Variants in SLC1A7 observed in about 807,000 individuals in gnomAD.
The protein encoded by SLC1A7 is excitatory amino acid transporter 5.
SLC1A7 carries 40 observed loss-of-function variants against 47.7 expected under a neutral mutation model. That is an observed-to-expected ratio of 0.84 (90% confidence interval 0.65 to 1.09). The LOEUF is 1.09. Among genes scored for constraint, SLC1A7 ranks in the 50% least tolerant of loss-of-function variants. The pLI is 0.00. For missense variants in SLC1A7, 746 were observed against 769.5 expected (o/e 0.97, Z 0.36); for synonymous variants, 323 against 325.6 (o/e 0.99, Z 0.09).
At chr1:53,094,400 C>T (rs1046870340) in intron 5 of SLC1A7, among the ~76,000 whole-genome samples, 19 of 152,160 alleles carry the variant, frequency 1.2e-4, no homozygotes, top group African/African-American at 4.6e-4. Context: ...TGAGTGGCTG[C>T]CCTACCTCCT....
At chr1:53,128,028 G>A (rs530001467) in intron 2 of SLC1A7, among the ~76,000 whole-genome samples, 9 of 152,336 alleles carry the variant, frequency 5.9e-5, no homozygotes, top group Admixed American at 2.6e-4. Flanking sequence ...TTTGTTACAC[G>A]GCAATGATAA....
intron 1 of SLC1A7, among the ~76,000 whole-genome samples, chr1:53,140,734 A>G (rs1645049361): frequency 6.6e-6 from 1 of 152,052 alleles, no homozygotes; most frequent in Non-Finnish European, 1.5e-5. Flanking sequence ...TCTAGTAGAC[A>G]TATACTGCCC....
At chr1:53,088,751 G>A (rs1292228028) in intron 10 of SLC1A7, 126 bp downstream of exon 10, 11 of 706,532 alleles carry the variant, frequency 1.6e-5, no homozygotes, top group African/African-American at 1.2e-4. Flanking sequence ...TGAGGAGACC[G>A]AGGCCCAGAG....
At chr1:53,125,543 G>A (rs541370209) in intron 2 of SLC1A7, among the ~76,000 whole-genome samples, 83 of 152,272 alleles carry the variant, frequency 5.5e-4, no homozygotes, top group Non-Finnish European at 8.8e-4. Context: ...TCCCCCAGCC[G>A]AGATGGCCTG....
intron 2 of SLC1A7, among the ~76,000 whole-genome samples, chr1:53,122,018 G>A (rs1170590779): frequency 6.6e-6 from 1 of 152,052 alleles, no homozygotes; most frequent in Admixed American, 6.5e-5. Flanking sequence ...GAGCAGCTGG[G>A]GGGCTGGGGG....
At position 53,142,421 on chromosome 1, in the gene SLC1A7, C is replaced by T. The variant is rs776562082; in HGVS notation, c.29G>A (p.Gly10Glu). The change falls in exon 1 of 11, where the codon GGG becomes GAG. Residue 10 changes from glycine to glutamate, a missense_variant. By Grantham distance (98) the Gly-to-Glu change is moderately conservative. Transcript: ENST00000371494. MVPHAILAR[G>E]RDVCRRNGLL... ...TCCATTCCGCCTGCACACGTCCCTC[C>T]CCCGTGCCAAGATGGCATGCGGCAC... 1 of 1,612,738 alleles carries T rather than the reference C, an allele frequency of 6.2e-7. No homozygotes were observed. The highest frequency in any genetic ancestry group is 8.5e-7 in the Non-Finnish European group (1 of 1,179,544).
chr1:53,103,368 G>T lies in SLC1A7; in HGVS notation c.675C>A (p.Ile225=), dbSNP rs141387743. 1 of 1,606,638 alleles carries T rather than the reference G, an allele frequency of 6.2e-7. No homozygotes were observed. Among genetic ancestry groups the T allele is most frequent in the Non-Finnish European group, 8.5e-7 (1 of 1,177,318 alleles). The change falls in exon 5 of 11, where the codon ATC becomes ATA. Residue 225 remains isoleucine, a synonymous_variant. Transcript: ENST00000371494. Reference sequence around the variant, plus strand: ...TACCCATGGTGGCAGAGAAGAAGACGATGCCCAGCACATTCATGCCATCGC... The same window carrying T: ...TACCCATGGTGGCAGAGAAGAAGACTATGCCCAGCACATTCATGCCATCGC... ...GTSDGMNVLG[I]VFFSATMGIM... is the part of the protein sequence containing the mutation.
intron 2 of SLC1A7, among the ~76,000 whole-genome samples, chr1:53,116,512 A>G (rs1031498059): frequency 2.6e-5 from 4 of 152,198 alleles, no homozygotes; most frequent in Non-Finnish European, 5.9e-5. Context: ...CCAGGATGCC[A>G]TATGTTAGTG....
intron 7 of SLC1A7, among the ~76,000 whole-genome samples, 171 bp downstream of exon 7, chr1:53,092,383 A>G (rs1644431843): frequency 6.6e-6 from 1 of 152,250 alleles, no homozygotes; most frequent in African/African-American, 2.4e-5. Context: ...ACAAAGGCCA[A>G]AAGTCCCCCA....
chr1:53,104,155 A>T (rs902328359), intron 4 of SLC1A7, among the ~76,000 whole-genome samples: 1 of 152,142 alleles, frequency 6.6e-6, no homozygotes, highest in African/African-American at 2.4e-5. Context: ...CTCTCCCCTC[A>T]AACATCACTG....
chr1:53,120,935 C>T (rs1259724047), intron 2 of SLC1A7, among the ~76,000 whole-genome samples: 5 of 152,272 alleles, frequency 3.3e-5, no homozygotes, highest in African/African-American at 9.6e-5. Flanking sequence ...CCCTCACTCA[C>T]TGCGAGCCCT....
At chr1:53,109,787 C>T (rs563946677) in intron 3 of SLC1A7, among the ~76,000 whole-genome samples, 1 of 152,302 alleles carries the variant, frequency 6.6e-6, no homozygotes, top group Non-Finnish European at 1.5e-5. Context: ...AGTGCACCCA[C>T]TTGTCCGTCT....
intron 5 of SLC1A7, among the ~76,000 whole-genome samples, chr1:53,099,507 A>C (rs914657983): frequency 4.1e-5 from 6 of 145,078 alleles, no homozygotes; most frequent in Non-Finnish European, 9.0e-5. Context: ...CAGTACACTC[A>C]CTCACACCAC....
chr1:53,099,026 ACAC>A (rs1644536015), intron 5 of SLC1A7, among the ~76,000 whole-genome samples: 1 of 147,132 alleles, frequency 6.8e-6, no homozygotes, highest in Admixed American at 6.7e-5. Context: ...CTGCCTCAAA[ACAC>A]TCACACCCTG....
chr1:53,110,919 A>G (rs972180253), intron 3 of SLC1A7, among the ~76,000 whole-genome samples: 4 of 152,046 alleles, frequency 2.6e-5, no homozygotes, highest in African/African-American at 4.8e-5. Flanking sequence ...TCAGACCCCA[A>G]TGCCACTGAT....
At chr1:53,110,383 A>G (rs978789258) in intron 3 of SLC1A7, among the ~76,000 whole-genome samples, 1 of 151,890 alleles carries the variant, frequency 6.6e-6, no homozygotes, top group Non-Finnish European at 1.5e-5. Context: ...AAACGGTGAG[A>G]GCGAGGCCCA....
rs1373658878 is a variant in SLC1A7, at chr1:53,122,246, G to A, written c.216-7273C>T. Among the ~76,000 whole-genome samples, 4 of 152,150 alleles carry A rather than the reference G, an allele frequency of 2.6e-5. No individual in the cohort carries two copies. The East Asian group carries it at 7.7e-4, about 29-fold the overall frequency. On this transcript the variant is annotated intron_variant, in intron 2 of 10. Transcript: ENST00000371494. Reference sequence around the variant, plus strand: ...AAGTGGGTTCAAGCCCTAGTCTGCTGGCATGACAGCATCCAGTCACAACCT... The same window carrying A: ...AAGTGGGTTCAAGCCCTAGTCTGCTAGCATGACAGCATCCAGTCACAACCT...
intron 2 of SLC1A7, among the ~76,000 whole-genome samples, chr1:53,132,601 T>G (rs1050947751): frequency 6.6e-6 from 1 of 152,178 alleles, no homozygotes; most frequent in African/African-American, 2.4e-5. Context: ...ATTCCCGCAC[T>G]TTGGGAGGCT....
chr1:53,114,814 CGTG>C lies in SLC1A7; in HGVS notation c.372_374del (p.Thr125del). 5.0e-6 allele frequency: 8 copies of C among 1,614,194 alleles called. No homozygotes were observed. The highest frequency in any genetic ancestry group is 6.8e-6 in the Non-Finnish European group (8 of 1,180,026). On this transcript the variant is annotated inframe_deletion, in exon 3 of 11. Coordinates refer to ENST00000371494, the MANE Select transcript of SLC1A7 (RefSeq NM_006671.6). The stretch of plus-strand genomic sequence containing the variant: ...TCATGATGGGCTTCCCACTCTGCTC[CGTG>C]GTCTCCTTCTGGGCCGCGCTGCCTG...
Sources: allele counts gnomAD v4.1 joint callset (sites outside exome capture counted in the v4.1 genomes callset), GRCh38; gene constraint gnomAD v4.1.1; transcripts MANE v1.5; gene names NCBI Gene and HGNC (gene_info 2026-07-23, HGNC 2026-07-21).